The following CSMD1 variants were observed in gnomAD, a reference collection of about 807,000 sequenced individuals.
CSMD1 encodes CUB and Sushi multiple domains 1.
CSMD1 carries 213 observed loss-of-function variants against 417.5 expected under a neutral mutation model. The observed-to-expected ratio is 0.51, with a 90% CI of 0.46 to 0.57. The LOEUF (loss-of-function observed/expected upper bound fraction) is 0.57, where lower values mean the gene tolerates loss of function less well. Among genes scored for constraint, CSMD1 ranks in the 20% least tolerant of loss-of-function variants. The probability of loss-of-function intolerance (pLI) is 0.00; values close to 1 mark genes in which losing one functional copy is unlikely to be tolerated. For synonymous variants in CSMD1, 2,862 were observed against 1,736.8 expected (o/e 1.65, Z -16.11); for missense variants, 6,923 against 4,529.7 (o/e 1.53, Z -15.17).
chr8:4,888,826 C>G lies in CSMD1; in HGVS notation c.85+105506G>C, dbSNP rs142865352. On this transcript the variant is annotated intron_variant, in intron 1 of 69. Transcript: ENST00000635120. ...CACAAAGGCCAACTTGAAGAGACTTCCAATAGGCATCTGGGAGATTTTCAG... is the reference window on the plus strand; with the variant it reads ...CACAAAGGCCAACTTGAAGAGACTTGCAATAGGCATCTGGGAGATTTTCAG... Among the ~76,000 whole-genome samples the G allele has an allele frequency of 1.6e-3, 245 of 152,088 alleles. 1 individual carries two copies. Among genetic ancestry groups the G allele is most frequent in the African/African-American group, 5.7e-3 (237 of 41,408 alleles).
intron 8 of CSMD1, among the ~76,000 whole-genome samples, chr8:3,608,051 A>C (rs1450045338): frequency 6.6e-6 from 1 of 152,154 alleles, no homozygotes; most frequent in Admixed American, 6.5e-5. Context: ...ATGTGCCTGT[A>C]ATGCCATCTA....
At chr8:3,598,178 T>C (rs200908847) in intron 8 of CSMD1, 1 of 152,110 alleles carries the variant, frequency 6.6e-6, no homozygotes, top group East Asian at 1.9e-4. Context: ...AGAAAAGGGA[T>C]CCTGTGGATA....
At chr8:2,946,766 G>A (rs1171905215) in intron 68 of CSMD1, among the ~76,000 whole-genome samples, 1 of 152,198 alleles carries the variant, frequency 6.6e-6, no homozygotes, top group African/African-American at 2.4e-5. Flanking sequence ...GAATGGAATT[G>A]CTGGAGCTTA....
At chr8:4,647,334 T>G in intron 1 of CSMD1, among the ~76,000 whole-genome samples, 1 of 151,604 alleles carries the variant, frequency 6.6e-6, no homozygotes, top group Non-Finnish European at 1.5e-5. Context: ...CACGGCGGCC[T>G]GCTACGTAGG....
intron 8 of CSMD1, among the ~76,000 whole-genome samples, chr8:3,606,121 G>A (rs574885538): frequency 6.6e-6 from 1 of 152,328 alleles, no homozygotes; most frequent in Non-Finnish European, 1.5e-5. Flanking sequence ...GAAATGACAA[G>A]AAGCTGGGTG....
chr8:4,297,210 G>C lies in CSMD1; in HGVS notation c.415+122743C>G, dbSNP rs187909849. Among the ~76,000 whole-genome samples, 3 of 152,040 alleles carry C rather than the reference G, an allele frequency of 2.0e-5. No individual in the cohort carries two copies. The East Asian group carries it at 5.8e-4, about 29-fold the overall frequency. On this transcript the variant is annotated intron_variant, in intron 3 of 69. Transcript: ENST00000635120. ...AGAAATGTATTTTTTTAAATCCCTGGAGAAACTGGGGACCAAACATTTAGA... is the reference window on the plus strand; with the variant it reads ...AGAAATGTATTTTTTTAAATCCCTGCAGAAACTGGGGACCAAACATTTAGA...
intron 1 of CSMD1, among the ~76,000 whole-genome samples, chr8:4,759,134 T>C (rs1304602867): frequency 1.3e-5 from 2 of 152,206 alleles, no homozygotes; most frequent in Non-Finnish European, 2.9e-5. Context: ...GAAGGTGAAC[T>C]TTGACACATT....
At chr8:3,780,885 A>G (rs940367254) in intron 5 of CSMD1, among the ~76,000 whole-genome samples, 1 of 152,208 alleles carries the variant, frequency 6.6e-6, no homozygotes, top group Non-Finnish European at 1.5e-5. Context: ...CAGAGTGTGG[A>G]AGGGGTTTAG....
chr8:4,463,331 G>A (rs932456169), intron 2 of CSMD1, among the ~76,000 whole-genome samples: 2 of 152,120 alleles, frequency 1.3e-5, no homozygotes, highest in Non-Finnish European at 2.9e-5. Context: ...CCCTATGGCT[G>A]GTGAGAATAT....
intron 1 of CSMD1, among the ~76,000 whole-genome samples, chr8:4,900,568 G>C (rs187521395): frequency 6.6e-6 from 1 of 152,108 alleles, no homozygotes; most frequent in Non-Finnish European, 1.5e-5. Context: ...TTCTCCCAGT[G>C]CCACCTTTCT....
At chr8:4,828,304 A>G (rs1466640949) in intron 1 of CSMD1, among the ~76,000 whole-genome samples, 2 of 152,194 alleles carry the variant, frequency 1.3e-5, no homozygotes, top group East Asian at 3.9e-4. Context: ...ATGTCAACAA[A>G]TGTGCTGACT....
chr8:4,714,941 G>T (rs1389991980), intron 1 of CSMD1, among the ~76,000 whole-genome samples: 2 of 152,166 alleles, frequency 1.3e-5, no homozygotes, highest in African/African-American at 4.8e-5. Context: ...GGTGTCTAGA[G>T]AATTCTGCTG....
rs1490136417 is a variant in CSMD1, at chr8:4,370,038, A to C, written c.415+49915T>G. 4.6e-5 allele frequency among the ~76,000 whole-genome samples: 7 copies of C among 151,868 alleles called. No individual in the cohort carries two copies. In the South Asian group the frequency reaches 1.3e-3, roughly 27 times the overall value. On this transcript the variant is annotated intron_variant, in intron 3 of 69. Coordinates refer to ENST00000635120, the MANE Select transcript of CSMD1 (RefSeq NM_033225.6). ...GACTTAGTTGTATAGTTGATTTATA[A>C]TGTCAATGAGGTATGTGCTTCAGTG...
Position 3,307,790 on chromosome 8 carries a change from T to A in CSMD1, c.3855A>T (p.Thr1285=). The part of the protein sequence containing the change: ...AECGGQIHAA[T]SGRILSPGYP... Reference sequence around the variant, plus strand: ...AGCCAGGGGACAATATTCGTCCTGATGTGGCTGCATGGATCTGACCACCAC... The same window carrying A: ...AGCCAGGGGACAATATTCGTCCTGAAGTGGCTGCATGGATCTGACCACCAC... The change falls in exon 25 of 70, where the codon ACA becomes ACT. Residue 1285 remains threonine, a synonymous_variant. Coordinates refer to ENST00000635120, the MANE Select transcript of CSMD1 (RefSeq NM_033225.6). The A allele has an allele frequency of 6.2e-7, 1 of 1,613,678 alleles. No homozygotes were observed. Among genetic ancestry groups the A allele is most frequent in the Non-Finnish European group, 8.5e-7 (1 of 1,179,660 alleles).
chr8:4,693,936 T>G lies in CSMD1; in HGVS notation c.86-56378A>C, dbSNP rs1220886201. Among the ~76,000 whole-genome samples, 3 of 152,334 alleles carry G rather than the reference T, an allele frequency of 2.0e-5. No homozygotes were observed. In the East Asian group the frequency reaches 5.8e-4, roughly 29 times the overall value. ...ATTTTCAAAGGTCACAAATGGTTTC[T>G]TTATTGTCCATGTCATCACATACTT... On this transcript the variant is annotated intron_variant, in intron 1 of 69. Coordinates refer to ENST00000635120, the MANE Select transcript of CSMD1 (RefSeq NM_033225.6).
chr8:4,372,164 G>A (rs1048196743), intron 3 of CSMD1, among the ~76,000 whole-genome samples: 1 of 152,146 alleles, frequency 6.6e-6, no homozygotes, highest in Non-Finnish European at 1.5e-5. Context: ...CCTTCTACTT[G>A]TCCAAAAAGA....
Position 3,271,197 on chromosome 8 carries a change from C to A in CSMD1, c.4153+12947G>T, listed in dbSNP as rs191117826. Among the ~76,000 whole-genome samples, 947 of 150,846 alleles carry A rather than the reference C, an allele frequency of 6.3e-3. 9 individuals carry two copies. The highest frequency in any genetic ancestry group is 0.021 in the African/African-American group (875 of 41,042). On this transcript the variant is annotated intron_variant, in intron 26 of 69. Transcript: ENST00000635120. Reference sequence around the variant, plus strand: ...TGCGGTGTTTGGTTTTTTGTTCTTGCGATAGTTTACTGAGAATGATGATTT... The same window carrying A: ...TGCGGTGTTTGGTTTTTTGTTCTTGAGATAGTTTACTGAGAATGATGATTT...
intron 5 of CSMD1, among the ~76,000 whole-genome samples, chr8:3,906,568 C>T (rs775181920): frequency 1.3e-5 from 2 of 150,468 alleles, no homozygotes; most frequent in South Asian, 2.1e-4. Flanking sequence ...ATAAGCTGTA[C>T]CATGAGGTGT....
intron 3 of CSMD1, among the ~76,000 whole-genome samples, chr8:4,145,081 A>T (rs1313392014): frequency 6.6e-6 from 1 of 151,204 alleles, no homozygotes; most frequent in African/African-American, 2.5e-5. Context: ...AGATTTAAGG[A>T]TGTTAAAAAT....
Sources: allele counts gnomAD v4.1 joint callset (sites outside exome capture counted in the v4.1 genomes callset), GRCh38; gene constraint gnomAD v4.1.1; transcripts MANE v1.5; gene names NCBI Gene and HGNC (gene_info 2026-07-23, HGNC 2026-07-21).